SOCS5: variants seen among roughly 807,000 people sequenced by gnomAD.
The protein encoded by SOCS5 is CIS-6.
SOCS5 carries 32 observed loss-of-function variants against 42.8 expected under a neutral mutation model. The ratio of observed to expected loss-of-function variants is 0.75; its 90% CI spans 0.56 to 1.01. The LOEUF is 1.01. Among genes scored for constraint, SOCS5 ranks in the 50% least tolerant of loss-of-function variants. SOCS5 has a pLI of 0.00. For missense variants in SOCS5, 627 were observed against 653.0 expected (o/e 0.96, Z 0.43); for synonymous variants, 283 against 229.6 (o/e 1.23, Z -2.10).
intron 1 of SOCS5, among the ~76,000 whole-genome samples, chr2:46,744,036 C>T (rs1273116794): frequency 2.0e-5 from 3 of 151,634 alleles, no homozygotes; most frequent in Non-Finnish European, 2.9e-5. Flanking sequence ...GTCCACCAGG[C>T]TAGAGTGCAG....
intron 1 of SOCS5, among the ~76,000 whole-genome samples, chr2:46,729,650 C>T (rs142184971): frequency 0.013 from 1,913 of 152,232 alleles, 47 homozygotes; most frequent in African/African-American, 0.044. Context: ...TTGAATGGAG[C>T]TTGCAGGACT....
chr2:46,711,300 T>C (rs1213650496), intron 1 of SOCS5, among the ~76,000 whole-genome samples: 18 of 152,350 alleles, frequency 1.2e-4, no homozygotes, highest in Non-Finnish European at 1.6e-4. Flanking sequence ...CTGTTTCTTA[T>C]TATCATCAAT....
chr2:46,758,399 G>C, intron 1 of SOCS5, 120 bp from the exon 2 acceptor site: 1 of 686,552 alleles, frequency 1.5e-6, no homozygotes, highest in East Asian at 2.7e-5. Flanking sequence ...GGCAGCGTAG[G>C]TGAACGCTTG....
At chr2:46,730,487 C>G (rs780440748) in intron 1 of SOCS5, among the ~76,000 whole-genome samples, 1 of 152,056 alleles carries the variant, frequency 6.6e-6, no homozygotes, top group Non-Finnish European at 1.5e-5. Context: ...GTAATCCCAG[C>G]CACTTTGGAG....
chr2:46,728,391 A>G (rs1353301524), intron 1 of SOCS5, among the ~76,000 whole-genome samples: 1 of 152,198 alleles, frequency 6.6e-6, no homozygotes, highest in Non-Finnish European at 1.5e-5. Context: ...TCATTTATTC[A>G]TAAGCCAGCA....
intron 1 of SOCS5, among the ~76,000 whole-genome samples, chr2:46,756,394 G>T (rs750474623): frequency 1.3e-5 from 2 of 152,102 alleles, no homozygotes; most frequent in South Asian, 4.1e-4. Flanking sequence ...GACTACATGT[G>T]GTCTCTGTCA....
chr2:46,718,989 T>C (rs1672815527), intron 1 of SOCS5, among the ~76,000 whole-genome samples: 1 of 152,226 alleles, frequency 6.6e-6, no homozygotes. Flanking sequence ...ATGTTACTTA[T>C]TCATTACAAT....
chr2:46,729,096 C>T (rs1369880489), intron 1 of SOCS5, among the ~76,000 whole-genome samples: 1 of 152,178 alleles, frequency 6.6e-6, no homozygotes, highest in Non-Finnish European at 1.5e-5. Flanking sequence ...TTTATCTGTG[C>T]TGTATAACTT....
At chr2:46,753,050 C>G (rs1673658690) in intron 1 of SOCS5, among the ~76,000 whole-genome samples, 2 of 152,200 alleles carry the variant, frequency 1.3e-5, no homozygotes, top group South Asian at 4.1e-4. Flanking sequence ...GCTCTCTTAT[C>G]ATGGATTATG....
chr2:46,698,989 T>A (rs2103679222), upstream of SOCS5: 1 of 152,348 alleles, frequency 6.6e-6, no homozygotes, highest in Admixed American at 6.5e-5. Flanking sequence ...CGGCCGGACC[T>A]CCCCGACTCC....
chr2:46,708,347 G>T (rs535588734), intron 1 of SOCS5, among the ~76,000 whole-genome samples: 1 of 152,244 alleles, frequency 6.6e-6, no homozygotes, highest in African/African-American at 2.4e-5. Context: ...ATGCAAGTTT[G>T]GGAGAGAGAG....
At chr2:46,740,725 G>C (rs1055458733) in intron 1 of SOCS5, among the ~76,000 whole-genome samples, 5 of 152,074 alleles carry the variant, frequency 3.3e-5, no homozygotes, top group African/African-American at 1.2e-4. Context: ...CTAGAATGAG[G>C]ATCTGCCACT....
At chr2:46,728,192 T>G (rs890320848) in intron 1 of SOCS5, among the ~76,000 whole-genome samples, 9 of 152,184 alleles carry the variant, frequency 5.9e-5, no homozygotes, top group African/African-American at 2.2e-4. Context: ...AACTTACCAC[T>G]GGTTCCATGC....
chr2:46,761,740 CTT>C lies in SOCS5; in HGVS notation c.*1600_*1601del, dbSNP rs1673875199. The C allele has an allele frequency of 6.0e-6, 1 of 166,600 alleles. No homozygotes were observed. Among genetic ancestry groups the C allele is most frequent in the East Asian group, 1.9e-4 (1 of 5,192 alleles). The allele number at this position is 166,600 out of a possible 1,614,324, so 10.3% of individuals were successfully genotyped here. On this transcript the variant is annotated 3_prime_UTR_variant, in exon 2 of 2. Transcript: ENST00000394861. ...GAGTTAATGAACAGTCTAATATTGA[CTT>C]ATCAGAATAAGCTAACTCTAAATTT... is the stretch of plus-strand genomic sequence containing the variant.
At chr2:46,701,646 C>G (rs1007657382) in intron 1 of SOCS5, among the ~76,000 whole-genome samples, 10 of 151,312 alleles carry the variant, frequency 6.6e-5, no homozygotes, top group African/African-American at 9.8e-5. Context: ...CTACTTTTAT[C>G]CATGAAATTT....
At chr2:46,731,212 G>T (rs41476350) in intron 1 of SOCS5, among the ~76,000 whole-genome samples, 2,890 of 152,188 alleles carry the variant, frequency 0.019, 47 homozygotes, top group Non-Finnish European at 0.031. Context: ...GCCTTTGAGA[G>T]GTGATTAAGT....
rs147896081 is a variant in SOCS5, at chr2:46,717,778, A to G, written c.-13+18329A>G. Among the ~76,000 whole-genome samples, 527 of 152,300 alleles carry G rather than the reference A, an allele frequency of 3.5e-3. 2 individuals are homozygous for G. The highest frequency in any genetic ancestry group is 0.02 in the Middle Eastern group (6 of 294). Reference sequence around the variant, plus strand: ...CTGTGTTGAAAGCATGGGGTATTCAACAAGGTCTTTTCACTCTAGCTTAGC... The same window carrying G: ...CTGTGTTGAAAGCATGGGGTATTCAGCAAGGTCTTTTCACTCTAGCTTAGC... On this transcript the variant is annotated intron_variant, in intron 1 of 1. Transcript: ENST00000394861.
intron 1 of SOCS5, among the ~76,000 whole-genome samples, chr2:46,716,556 C>T (rs1484889409): frequency 6.6e-6 from 1 of 151,988 alleles, no homozygotes; most frequent in Non-Finnish European, 1.5e-5. Context: ...TGGCGCACTG[C>T]AGCCTTGAAT....
chr2:46,719,047 G>C (rs1245862878), intron 1 of SOCS5, among the ~76,000 whole-genome samples: 2 of 152,144 alleles, frequency 1.3e-5, no homozygotes, highest in African/African-American at 4.8e-5. Flanking sequence ...ATTAGGTTAT[G>C]CTATAGTTGT....
Sources: allele counts gnomAD v4.1 joint callset (sites outside exome capture counted in the v4.1 genomes callset), GRCh38; gene constraint gnomAD v4.1.1; transcripts MANE v1.5; gene names NCBI Gene and HGNC (gene_info 2026-07-23, HGNC 2026-07-21).